ABLIM1: variants seen among roughly 807,000 people sequenced by gnomAD.
ABLIM1 encodes actin binding LIM protein 1, also known as actin-binding LIM protein 1.
A neutral mutation model predicts 107.0 loss-of-function variants in ABLIM1; 40 were observed. The ratio of observed to expected loss-of-function variants is 0.37; its 90% CI spans 0.29 to 0.49. The LOEUF is 0.49. Ranked by LOEUF, ABLIM1 falls within the 20% of genes least tolerant of loss-of-function variation. The pLI is 0.97. For missense variants in ABLIM1, 857 were observed against 1,008.5 expected, an observed-to-expected ratio of 0.85 and a Z score of 2.04; for synonymous variants, 357 against 357.3, an observed-to-expected ratio of 1.00 and a Z score of 0.01.
chr10:114,741,748 TA>T (rs1384174467), intron 1 of ABLIM1, among the ~76,000 whole-genome samples: 1 of 152,236 alleles, frequency 6.6e-6, no homozygotes, highest in Admixed American at 6.5e-5. Context: ...GATTTATGAC[TA>T]ATCAAAATCC....
Position 114,719,921 on chromosome 10 carries a change from C to T in ABLIM1, c.-213+48140G>A, listed in dbSNP as rs181179502. On this transcript the variant is annotated intron_variant, in intron 1 of 15. Coordinates refer to the ABLIM1 transcript ENST00000651092. ...TATGAGCATAAACAATCCAATTAAC[C>T]TTTCTTAAGAAAATGTGTGCCACAG... Among the ~76,000 whole-genome samples the T allele has an allele frequency of 3.8e-3, 576 of 152,252 alleles. 1 individual carries two copies. Among genetic ancestry groups the T allele is most frequent in the Middle Eastern group, 0.02 (6 of 294 alleles).
intron 4 of ABLIM1, among the ~76,000 whole-genome samples, chr10:114,562,397 C>T (rs951152468): frequency 2.6e-5 from 4 of 152,006 alleles, no homozygotes; most frequent in African/African-American, 4.8e-5. Flanking sequence ...GGCGTGGTGG[C>T]GGGCACCTGT....
chr10:114,584,989 T>A (rs1255704682), intron 2 of ABLIM1, among the ~76,000 whole-genome samples: 1 of 151,204 alleles, frequency 6.6e-6, no homozygotes, highest in Non-Finnish European at 1.5e-5. Context: ...CATACAGAAA[T>A]AAATATTCTC....
At chr10:114,519,473 C>T (rs2063404587) in intron 6 of ABLIM1, among the ~76,000 whole-genome samples, 1 of 152,136 alleles carries the variant, frequency 6.6e-6, no homozygotes, top group Admixed American at 6.6e-5. Flanking sequence ...AGGCAAGGCC[C>T]CAATTATCCC....
rs1273785238 is a variant in ABLIM1, at chr10:114,432,081, G to A, written c.*4179C>T. 8 of 152,168 alleles carry A rather than the reference G, an allele frequency of 5.3e-5. No individual in the cohort carries two copies. Among genetic ancestry groups the A allele is most frequent in the Non-Finnish European group, 7.3e-5 (5 of 68,034 alleles). 9.4% of individuals were successfully genotyped at this position (152,168 alleles called of 1,614,324 possible). A position where few individuals can be genotyped will look rare whatever the true frequency, so the allele number is the denominator to read the frequency against. On this transcript the variant is annotated 3_prime_UTR_variant, in exon 23 of 23. Coordinates refer to ENST00000533213, the MANE Select transcript of ABLIM1 (RefSeq NM_002313.7). ...ATCATTGCTATAAGTTGGTATCACTGCAAATCTCAAGTCCCAAATAATCTC... is the reference window on the plus strand; with the variant it reads ...ATCATTGCTATAAGTTGGTATCACTACAAATCTCAAGTCCCAAATAATCTC...
chr10:114,663,635 T>C (rs900870645), intron 1 of ABLIM1, among the ~76,000 whole-genome samples: 3 of 152,210 alleles, frequency 2.0e-5, no homozygotes, highest in African/African-American at 7.2e-5. Flanking sequence ...GATATAATTA[T>C]CATTCCTCCT....
intron 2 of ABLIM1, among the ~76,000 whole-genome samples, chr10:114,588,121 G>T (rs1205361282): frequency 1.3e-5 from 2 of 152,116 alleles, no homozygotes; most frequent in Non-Finnish European, 2.9e-5. Flanking sequence ...CTTAACCAGG[G>T]TTTTCATCAT....
At chr10:114,721,962 C>G (rs1159700205) in intron 1 of ABLIM1, among the ~76,000 whole-genome samples, 1 of 152,096 alleles carries the variant, frequency 6.6e-6, no homozygotes, top group Non-Finnish European at 1.5e-5. Flanking sequence ...CACCTTGTCC[C>G]TTAAAATGTG....
intron 1 of ABLIM1, among the ~76,000 whole-genome samples, chr10:114,641,627 T>C (rs1461895113): frequency 1.3e-5 from 2 of 152,178 alleles, no homozygotes; most frequent in Admixed American, 6.5e-5. Context: ...GGAAGGCCTC[T>C]TTGAGGACGT....
At chr10:114,731,908 T>C (rs1231093816) in intron 1 of ABLIM1, among the ~76,000 whole-genome samples, 2 of 152,090 alleles carry the variant, frequency 1.3e-5, no homozygotes, top group African/African-American at 4.8e-5. Flanking sequence ...CCACGCCTAG[T>C]GCATAATGTT....
At chr10:114,537,170 G>A (rs956818131) in intron 6 of ABLIM1, among the ~76,000 whole-genome samples, 21 of 152,120 alleles carry the variant, frequency 1.4e-4, no homozygotes, top group African/African-American at 5.1e-4. Flanking sequence ...AGATAATAAA[G>A]TTCAGGCTCA....
chr10:114,785,383 T>C, the ABLIM1 span, among the ~76,000 whole-genome samples: 1 of 152,224 alleles, frequency 6.6e-6, no homozygotes, highest in Non-Finnish European at 1.5e-5. Context: ...TCTCTTGTAT[T>C]GAAATTCAAA....
chr10:114,449,172 C>T (rs1308431190), intron 14 of ABLIM1, among the ~76,000 whole-genome samples: 1 of 152,170 alleles, frequency 6.6e-6, no homozygotes, highest in East Asian at 1.9e-4. Context: ...CAGCTTAGAG[C>T]CCCAGATCTA....
intron 1 of ABLIM1, among the ~76,000 whole-genome samples, chr10:114,683,402 C>T (rs11196872): frequency 0.48 from 72,420 of 152,024 alleles, 18,126 homozygotes; most frequent in South Asian, 0.58. Context: ...GCATAAAAAG[C>T]CACCATGAAT....
intron 2 of ABLIM1, among the ~76,000 whole-genome samples, chr10:114,588,163 G>A (rs189592961): frequency 6.6e-6 from 1 of 152,146 alleles, no homozygotes; most frequent in African/African-American, 2.4e-5. Context: ...TTTCAACTTT[G>A]AACTTCTGGG....
At chr10:114,744,793 T>C (rs2082350384) in intron 1 of ABLIM1, among the ~76,000 whole-genome samples, 1 of 152,172 alleles carries the variant, frequency 6.6e-6, no homozygotes, top group African/African-American at 2.4e-5. Flanking sequence ...AGAGAATGTG[T>C]CCCATCTACA....
intron 1 of ABLIM1, among the ~76,000 whole-genome samples, chr10:114,664,572 ATC>A (rs2079936394): frequency 1.3e-5 from 2 of 151,612 alleles, no homozygotes; most frequent in Admixed American, 1.3e-4. Context: ...TTGAGAAGGA[ATC>A]TCGCTGTCAC....
intron 1 of ABLIM1, among the ~76,000 whole-genome samples, chr10:114,673,941 G>A (rs1030867250): frequency 1.3e-5 from 2 of 151,934 alleles, no homozygotes; most frequent in Non-Finnish European, 2.9e-5. Context: ...AATGTAATCA[G>A]AGGAAAAAAA....
At chr10:114,770,474 G>T (rs2083010097), upstream of ABLIM1, among the ~76,000 whole-genome samples, 1 of 152,016 alleles carries the variant, frequency 6.6e-6, no homozygotes, top group African/African-American at 2.4e-5. Context: ...TATGTTTCCT[G>T]TCTCCCTGCC....
Sources: allele counts gnomAD v4.1 joint callset (sites outside exome capture counted in the v4.1 genomes callset), GRCh38; gene constraint gnomAD v4.1.1; transcripts MANE v1.5; gene names NCBI Gene and HGNC (gene_info 2026-07-23, HGNC 2026-07-21).